Variants in TFAP2A observed in about 807,000 individuals in gnomAD.
TFAP2A encodes the protein transcription factor AP-2-alpha.
In TFAP2A, 7 loss-of-function variants were observed where a neutral mutation model predicts 41.5. The ratio of observed to expected loss-of-function variants is 0.17; its 90% CI spans 0.10 to 0.32. TFAP2A has a LOEUF of 0.32. TFAP2A is among the 10% of genes least tolerant of loss of function. The pLI is 1.00. For synonymous variants in TFAP2A, 247 were observed against 242.8 expected, an observed-to-expected ratio of 1.02 and a Z score of -0.16; for missense variants, 416 against 563.3, an observed-to-expected ratio of 0.74 and a Z score of 2.65.
At chr6:10,411,269 C>T (rs913301009) in intron 1 of TFAP2A, among the ~76,000 whole-genome samples, 4 of 152,042 alleles carry the variant, frequency 2.6e-5, no homozygotes, top group African/African-American at 9.7e-5. Flanking sequence ...ATCTCGGGGA[C>T]AAGTGAAGAC....
At chr6:10,405,019 T>A (rs1383170874) in intron 3 of TFAP2A, 2 of 527,006 alleles carry the variant, frequency 3.8e-6, no homozygotes, top group East Asian at 6.5e-5. Context: ...TCAAGGGTGC[T>A]CTCTAGAGAT....
intron 4 of TFAP2A, among the ~76,000 whole-genome samples, chr6:10,404,155 C>T (rs1757558072): frequency 6.6e-6 from 1 of 152,224 alleles, no homozygotes; most frequent in African/African-American, 2.4e-5. Context: ...GGTGGCTGTA[C>T]GGCGCCCCGC....
chr6:10,402,814 G>T (rs1047629283), intron 4 of TFAP2A, among the ~76,000 whole-genome samples: 2 of 152,166 alleles, frequency 1.3e-5, no homozygotes, highest in Non-Finnish European at 2.9e-5. Flanking sequence ...CACCCCCTAC[G>T]TTCAGTTATT....
chr6:10,407,513 T>C, intron 2 of TFAP2A: 1 of 151,204 alleles, frequency 6.6e-6, no homozygotes, highest in East Asian at 1.9e-4. Flanking sequence ...TTTTTTTTTT[T>C]TTTTTACAGA....
At chr6:10,411,838 C>T (rs571769353) in intron 1 of TFAP2A, 33 of 1,408,042 alleles carry the variant, frequency 2.3e-5, no homozygotes, top group Admixed American at 1.5e-4. Context: ...TCTATCCTGC[C>T]GCGACTGGTT....
chr6:10,406,931 G>A (rs1757741477), intron 2 of TFAP2A, 87 bp from the exon 3 acceptor site: 2 of 1,056,628 alleles, frequency 1.9e-6, no homozygotes, highest in South Asian at 2.5e-5. Flanking sequence ...GGAGGGGAAG[G>A]TGTAGAATCA....
At chr6:10,411,994 C>G in intron 1 of TFAP2A, 1 of 1,076,306 alleles carries the variant, frequency 9.3e-7, no homozygotes, top group Non-Finnish European at 1.1e-6. Flanking sequence ...CTAATAACCG[C>G]GCTGGGCAGC....
intron 1 of TFAP2A, chr6:10,411,478 G>C (rs2613849): frequency 1.2e-6 from 2 of 1,608,160 alleles, no homozygotes; most frequent in African/African-American, 2.7e-5. Flanking sequence ...AAAGCTGGGC[G>C]TGAAACCCGA....
At chr6:10,405,048 C>T (rs1757646335) in intron 3 of TFAP2A, 1 of 453,210 alleles carries the variant, frequency 2.2e-6, no homozygotes. Flanking sequence ...AAATTGGTGA[C>T]CCCTGAGGCG....
At chr6:10,407,120 T>C (rs1757750063) in intron 2 of TFAP2A, 1 of 489,310 alleles carries the variant, frequency 2.0e-6, no homozygotes, top group African/African-American at 2.0e-5. Context: ...CTTTGGAAAT[T>C]AAATCAAGTG....
Position 10,398,354 on chromosome 6 carries a change from C to T in TFAP2A, c.*63G>A, listed in dbSNP as rs1455690395. The stretch of plus-strand genomic sequence containing the variant: ...GGTTGCTGATCCCGGAGCTGTCACC[C>T]GCCGGAGGGTGGGCGCGCGGGGGGC... On this transcript the variant is annotated 3_prime_UTR_variant, in exon 7 of 7. Coordinates refer to ENST00000379613, the MANE Select transcript of TFAP2A (RefSeq NM_001372066.1). This position sits in a 1 kb window ranked among gnomAD's most constrained non-coding sequence, Gnocchi z 5.3. The T allele has an allele frequency of 3.2e-6, 5 of 1,569,770 alleles. No homozygotes were observed. The highest frequency in any genetic ancestry group is 3.0e-5 in the African/African-American group (2 of 67,112).
At chr6:10,410,418 T>C in intron 1 of TFAP2A, 83 bp from the exon 2 acceptor site, 1 of 1,419,136 alleles carries the variant, frequency 7.0e-7, no homozygotes, top group Non-Finnish European at 9.7e-7. Context: ...ACTTGACAAG[T>C]CTGCGTGGGA....
rs574832806 is a variant in TFAP2A, at chr6:10,398,333, G to T, written c.*84C>A. On this transcript the variant is annotated 3_prime_UTR_variant, in exon 7 of 7. Coordinates refer to ENST00000379613, the MANE Select transcript of TFAP2A (RefSeq NM_001372066.1). This position sits in a 1 kb window ranked among gnomAD's most constrained non-coding sequence, Gnocchi z 5.3. The stretch of plus-strand genomic sequence containing the variant: ...AGCAGTAGCAGCAGCAGGAAGGGTT[G>T]CTGATCCCGGAGCTGTCACCCGCCG... The T allele has an allele frequency of 1.2e-6, 2 of 1,605,650 alleles. No individual in the cohort carries two copies. The highest frequency in any genetic ancestry group is 4.5e-5 in the East Asian group (2 of 44,608).
chr6:10,412,229 G>A (rs559734334), intron 1 of TFAP2A: 43 of 987,810 alleles, frequency 4.4e-5, no homozygotes, highest in Non-Finnish European at 5.1e-5. Context: ...GCGAGCGCGC[G>A]GGGGGCCGCG....
intron 3 of TFAP2A, chr6:10,406,101 A>G (rs1757704229): frequency 6.6e-6 from 1 of 152,288 alleles, no homozygotes; most frequent in Admixed American, 6.5e-5. Context: ...CATTGCCACC[A>G]TAACCAAAAA....
chr6:10,414,458 G>GAAGA (rs947085479), intron 1 of TFAP2A: 10 of 269,738 alleles, frequency 3.7e-5, no homozygotes, highest in South Asian at 1.2e-4. Context: ...GGGGTGGGGG[G>GAAGA]AAGAAAGAAT....
intron 3 of TFAP2A, chr6:10,405,259 C>T (rs970620208): frequency 6.5e-6 from 1 of 154,212 alleles, no homozygotes; most frequent in Non-Finnish European, 1.4e-5. Context: ...CTAAAGCACC[C>T]TGTAAACGAG....
At chr6:10,412,160 G>C in intron 1 of TFAP2A, 6 of 989,392 alleles carry the variant, frequency 6.1e-6, no homozygotes, top group Non-Finnish European at 7.2e-6. Context: ...TCTCAGTGTA[G>C]CAAATCGGAG....
rs745726205 is a variant in TFAP2A at position 10,412,665 on chromosome 6, C to T, written c.51+2276G>A. Reference sequence around the variant, plus strand: ...CTGCTTGGGACCGCGTCCGGGCGCTCGTGGGGCTCTCGGCGCGGCAGGCGC... The same window carrying T: ...CTGCTTGGGACCGCGTCCGGGCGCTTGTGGGGCTCTCGGCGCGGCAGGCGC... On this transcript the variant is annotated intron_variant, in intron 1 of 6. Coordinates refer to ENST00000379613, the MANE Select transcript of TFAP2A (RefSeq NM_001372066.1). 108 of 333,740 alleles carry T rather than the reference C, an allele frequency of 3.2e-4. 3 individuals are homozygous for T. Among genetic ancestry groups the T allele is most frequent in the South Asian group, 2.2e-3 (107 of 48,264 alleles). 20.7% of individuals were successfully genotyped at this position (333,740 alleles called of 1,614,324 possible).
Sources: allele counts gnomAD v4.1 joint callset (sites outside exome capture counted in the v4.1 genomes callset), GRCh38; gene constraint gnomAD v4.1.1; non-coding constraint Gnocchi (gnomAD v3.1); transcripts MANE v1.5; gene names NCBI Gene and HGNC (gene_info 2026-07-23, HGNC 2026-07-21).